WIPI1: variants seen among roughly 807,000 people sequenced by gnomAD.
The protein encoded by WIPI1 is WD repeat domain phosphoinositide-interacting protein 1.
WIPI1 carries 45 observed loss-of-function variants against 55.3 expected under a neutral mutation model. The observed-to-expected ratio is 0.81, with a 90% CI of 0.64 to 1.04. WIPI1 has a LOEUF of 1.04. Among genes scored for constraint, WIPI1 ranks in the 50% least tolerant of loss-of-function variants. WIPI1 has a pLI of 0.00. For missense variants in WIPI1, 445 were observed against 559.0 expected (o/e 0.80, Z 2.06); for synonymous variants, 195 against 217.6 (o/e 0.90, Z 0.92).
At position 68,423,319 on chromosome 17, in the gene WIPI1, A is replaced by G. The variant is rs2082933050; in HGVS notation, c.1294-1499T>C. 6.6e-6 allele frequency among the ~76,000 whole-genome samples: 1 copy of G among 152,234 alleles called. No homozygotes were observed. Among genetic ancestry groups the G allele is most frequent in the Non-Finnish European group, 1.5e-5 (1 of 68,036 alleles). On this transcript the variant is annotated intron_variant, in intron 12 of 12. Coordinates refer to ENST00000262139, the MANE Select transcript of WIPI1 (RefSeq NM_017983.7). The surrounding 1 kb of genome is among the most constrained non-coding windows in gnomAD (Gnocchi z 4.4). Reference sequence around the variant, plus strand: ...CTGAGATGGGCCATATTGATAGAGCATCCCAGGAGCATGCATGCCTCTGGT... The same window carrying G: ...CTGAGATGGGCCATATTGATAGAGCGTCCCAGGAGCATGCATGCCTCTGGT...
At chr17:68,432,506 T>G (rs955655047) in intron 8 of WIPI1, among the ~76,000 whole-genome samples, 2 of 152,196 alleles carry the variant, frequency 1.3e-5, no homozygotes, top group South Asian at 2.1e-4. Context: ...CCCAGCACTT[T>G]GGGAGGTTGA....
intron 8 of WIPI1, among the ~76,000 whole-genome samples, chr17:68,431,304 C>G (rs1163007450): frequency 6.6e-6 from 1 of 152,146 alleles, no homozygotes; most frequent in Non-Finnish European, 1.5e-5. Context: ...ATTTGGGAAA[C>G]AGGAATCATC....
chr17:68,429,887 C>T, intron 9 of WIPI1, 109 bp downstream of exon 9: 2 of 1,532,124 alleles, frequency 1.3e-6, no homozygotes, highest in South Asian at 2.4e-5. Flanking sequence ...CCGTGCCCAG[C>T]CTGGGGCAAG....
At chr17:68,440,944 C>T (rs2084049158) in intron 4 of WIPI1, 1 of 152,210 alleles carries the variant, frequency 6.6e-6, no homozygotes, top group Non-Finnish European at 1.5e-5. Flanking sequence ...GCCCTATGCT[C>T]CTACAAAAGG....
intron 4 of WIPI1, among the ~76,000 whole-genome samples, chr17:68,439,859 T>C (rs1472681280): frequency 6.6e-6 from 1 of 152,204 alleles, no homozygotes; most frequent in Non-Finnish European, 1.5e-5. Context: ...CAAGCCTTCG[T>C]TTCTTACTTC....
chr17:68,450,275 T>G (rs1049750490), intron 3 of WIPI1, among the ~76,000 whole-genome samples: 2 of 152,164 alleles, frequency 1.3e-5, no homozygotes, highest in Non-Finnish European at 2.9e-5. Context: ...AAGGGCAGCT[T>G]TCCTGACCCA....
chr17:68,447,595 T>C (rs755488959), intron 3 of WIPI1, among the ~76,000 whole-genome samples: 2 of 151,960 alleles, frequency 1.3e-5, no homozygotes, highest in Admixed American at 6.6e-5. Flanking sequence ...CTCGTTACAT[T>C]GCCCAAGCTG....
chr17:68,435,468 A>T, intron 6 of WIPI1, 152 bp downstream of exon 6: 2 of 743,038 alleles, frequency 2.7e-6, no homozygotes, highest in East Asian at 2.5e-5. Context: ...CCACACATGC[A>T]GAGGCCAGAA....
At position 68,450,827 on chromosome 17, in the gene WIPI1, T is replaced by G. The variant is rs201675080; in HGVS notation, c.234A>C (p.Thr78=). 16 of 1,614,110 alleles carry G rather than the reference T, an allele frequency of 9.9e-6. No homozygotes were observed. Among genetic ancestry groups the G allele is most frequent in the Non-Finnish European group, 1.2e-5 (14 of 1,180,042 alleles). ...SSSLVVVVSH[T]KPRQMNVYHF... is the part of the protein sequence containing the mutation. ...GATACACGTTCATCTGCCGTGGTTT[T>G]GTGTGACTGACTACCACCACCAGGC... Residue 78 remains threonine, a synonymous_variant, in exon 3 of 13, where the codon ACA becomes ACC. Transcript: ENST00000262139.
intron 8 of WIPI1, among the ~76,000 whole-genome samples, chr17:68,432,096 GA>G (rs1176361070): frequency 6.6e-6 from 1 of 152,118 alleles, no homozygotes; most frequent in Non-Finnish European, 1.5e-5. Context: ...AGAGTAAAAA[GA>G]ACCTCAGGAC....
chr17:68,442,858 G>C (rs1421084275), intron 4 of WIPI1, among the ~76,000 whole-genome samples: 1 of 152,176 alleles, frequency 6.6e-6, no homozygotes, highest in Non-Finnish European at 1.5e-5. Context: ...AAGGGAACTC[G>C]TGACAACTAG....
intron 2 of WIPI1, among the ~76,000 whole-genome samples, chr17:68,452,550 GCAAGACT>G (rs2084536700): frequency 6.6e-6 from 1 of 152,170 alleles, no homozygotes; most frequent in South Asian, 2.1e-4. Flanking sequence ...GGGTGATAGA[GCAAGACT>G]CCATCTCAAA....
intron 4 of WIPI1, among the ~76,000 whole-genome samples, chr17:68,442,767 G>A (rs1028661281): frequency 1.3e-5 from 2 of 152,080 alleles, no homozygotes; most frequent in Admixed American, 6.6e-5. Context: ...AACTGTGTCC[G>A]CACCCCAGAG....
intron 2 of WIPI1, among the ~76,000 whole-genome samples, chr17:68,451,233 C>A (rs558140197): frequency 6.6e-6 from 1 of 152,298 alleles, no homozygotes; most frequent in South Asian, 2.1e-4. Flanking sequence ...GAGTTCAAGA[C>A]CAGCCTGGCC....
intron 8 of WIPI1, among the ~76,000 whole-genome samples, chr17:68,431,383 C>T (rs988890857): frequency 1.3e-5 from 2 of 151,848 alleles, no homozygotes; most frequent in Non-Finnish European, 2.9e-5. Flanking sequence ...GAGCCCGGCA[C>T]GTGGCGCATA....
intron 2 of WIPI1, among the ~76,000 whole-genome samples, chr17:68,451,260 A>G (rs2084490546): frequency 1.3e-5 from 2 of 152,142 alleles, no homozygotes; most frequent in Admixed American, 6.5e-5. Context: ...GCGAAACCCC[A>G]TCTCTACTAA....
intron 12 of WIPI1, among the ~76,000 whole-genome samples, chr17:68,424,899 G>A (rs2083057530): frequency 6.6e-6 from 1 of 152,142 alleles, no homozygotes; most frequent in African/African-American, 2.4e-5. Flanking sequence ...AAACAAATCA[G>A]TACTTCCATC....
At chr17:68,450,589 G>A (rs1009928005) in intron 3 of WIPI1, 139 bp downstream of exon 3, 54 of 1,161,574 alleles carry the variant, frequency 4.6e-5, no homozygotes, top group South Asian at 4.1e-4. Context: ...CAATACCCCC[G>A]GGACACGGGG....
At position 68,455,674 on chromosome 17, in the gene WIPI1, A is replaced by C. The variant is rs2084629985; in HGVS notation, c.80+1668T>G. 4.6e-5 allele frequency among the ~76,000 whole-genome samples: 7 copies of C among 152,356 alleles called. No individual in the cohort carries two copies. In the South Asian group the frequency reaches 1.4e-3, roughly 32 times the overall value. ...TTCCATCCAAGAAAATAAAACTAAC[A>C]GTAGGGAGTAAGGAAATTAACTTTC... On this transcript the variant is annotated intron_variant, in intron 1 of 12. Coordinates refer to ENST00000262139, the MANE Select transcript of WIPI1 (RefSeq NM_017983.7).
Sources: gnomAD v4.1 joint callset for allele counts (sites outside exome capture counted in the v4.1 genomes callset) on GRCh38, gnomAD v4.1.1 for gene constraint, Gnocchi (gnomAD v3.1) non-coding constraint, MANE v1.5 for transcripts, NCBI Gene and HGNC (gene_info 2026-07-23, HGNC 2026-07-21) for gene names.